TACR1: variants seen among roughly 807,000 people sequenced by gnomAD.
TACR1 encodes the protein substance-P receptor.
A neutral mutation model predicts 35.8 loss-of-function variants in TACR1; 25 were observed. The observed-to-expected ratio is 0.70, with a 90% CI of 0.51 to 0.98. The LOEUF is 0.98. Ranked by LOEUF, TACR1 falls within the 50% of genes least tolerant of loss-of-function variation. The pLI, the probability that TACR1 is intolerant of heterozygous loss-of-function variation, is 0.00. For missense variants in TACR1, 478 were observed against 522.9 expected (o/e 0.91, Z 0.84); for synonymous variants, 195 against 206.7 (o/e 0.94, Z 0.48).
intron 2 of TACR1, among the ~76,000 whole-genome samples, chr2:75,083,219 A>G (rs1031640828): frequency 2.0e-5 from 3 of 152,342 alleles, no homozygotes; most frequent in Admixed American, 2.0e-4. Context: ...CAGGTTTGTC[A>G]AAGATCAGAT....
At chr2:75,172,728 G>A (rs1312194430) in intron 1 of TACR1, among the ~76,000 whole-genome samples, 2 of 152,164 alleles carry the variant, frequency 1.3e-5, no homozygotes, top group Non-Finnish European at 2.9e-5. Flanking sequence ...ACAGCAGAAA[G>A]TACTTGCATT....
chr2:75,158,557 G>A (rs747636992), intron 1 of TACR1, among the ~76,000 whole-genome samples: 17 of 152,278 alleles, frequency 1.1e-4, no homozygotes, highest in Admixed American at 3.9e-4. Flanking sequence ...GTTAGCAGCA[G>A]GGTTAAAAGT....
Position 75,109,956 on chromosome 2 carries a change from G to T in TACR1, c.584+10618C>A, listed in dbSNP as rs1673718970. Among the ~76,000 whole-genome samples, 2 of 152,136 alleles carry T rather than the reference G, an allele frequency of 1.3e-5. 1 individual carries two copies. The highest frequency in any genetic ancestry group is 4.1e-4 in the South Asian group (2 of 4,828). ...GCCATTAAAAAATGTTGTTTTTAAA[G>T]GAGAATTTCCCTGAACTAGAGATCT... On this transcript the variant is annotated intron_variant, in intron 2 of 4. Transcript: ENST00000305249.
intron 1 of TACR1, among the ~76,000 whole-genome samples, chr2:75,173,933 A>G (rs1675349950): frequency 2.6e-5 from 4 of 152,228 alleles, no homozygotes; most frequent in Admixed American, 2.0e-4. Context: ...CCCAGAGGAC[A>G]GACAGCCTGA....
At chr2:75,127,728 G>A (rs553792841) in intron 1 of TACR1, among the ~76,000 whole-genome samples, 1 of 152,306 alleles carries the variant, frequency 6.6e-6, no homozygotes, top group Admixed American at 6.5e-5. Flanking sequence ...AGGAAACAAA[G>A]TACCTGATGT....
rs541951481 is a variant in TACR1 at position 75,054,080 on chromosome 2, A to G, written c.585-325T>C. The stretch of plus-strand genomic sequence containing the variant: ...TGTATACCCATAGCGATTTCAGTTG[A>G]TGATCAGTTCAATATCACTTGCCCC... On this transcript the variant is annotated intron_variant, in intron 2 of 4. Transcript: ENST00000305249. Among the ~76,000 whole-genome samples, 159 of 152,324 alleles carry G rather than the reference A, an allele frequency of 1.0e-3. 1 individual carries two copies. Among genetic ancestry groups the G allele is most frequent in the African/African-American group, 3.6e-3 (150 of 41,576 alleles).
chr2:75,123,646 A>G (rs1243976577), intron 1 of TACR1, among the ~76,000 whole-genome samples: 1 of 152,140 alleles, frequency 6.6e-6, no homozygotes, highest in East Asian at 1.9e-4. Context: ...AAATGTATAT[A>G]TGTTCATTTG....
chr2:75,055,951 G>T (rs2422094), intron 2 of TACR1, among the ~76,000 whole-genome samples: 1 of 152,106 alleles, frequency 6.6e-6, no homozygotes, highest in Admixed American at 6.5e-5. Context: ...GTTCTCAACC[G>T]CAAATGTAAA....
At chr2:75,183,303 A>T (rs1244016547) in intron 1 of TACR1, among the ~76,000 whole-genome samples, 2 of 152,214 alleles carry the variant, frequency 1.3e-5, no homozygotes, top group East Asian at 3.8e-4. Context: ...TGTATAGTTT[A>T]TGGGAAGGGA....
intron 1 of TACR1, among the ~76,000 whole-genome samples, chr2:75,142,895 T>C (rs1048801805): frequency 6.6e-6 from 1 of 152,214 alleles, no homozygotes; most frequent in Non-Finnish European, 1.5e-5. Flanking sequence ...AGCTCCCTCA[T>C]TGATTGAAAC....
At chr2:75,095,677 C>T (rs933696733) in intron 2 of TACR1, among the ~76,000 whole-genome samples, 2 of 152,088 alleles carry the variant, frequency 1.3e-5, no homozygotes, top group East Asian at 3.9e-4. Flanking sequence ...GGAGAATTAG[C>T]GCTCGCCTAA....
chr2:75,174,028 CTCA>C (rs1466717204), intron 1 of TACR1, among the ~76,000 whole-genome samples: 1 of 152,164 alleles, frequency 6.6e-6, no homozygotes, highest in East Asian at 1.9e-4. Flanking sequence ...TGCTTCACTC[CTCA>C]CACACTCTCC....
In TACR1 at chr2:75,185,324, G is replaced by A. The variant is rs148581455; in HGVS notation, c.389+13222C>T. Among the ~76,000 whole-genome samples, 618 of 152,074 alleles carry A rather than the reference G, an allele frequency of 4.1e-3. 2 individuals are homozygous for A. Among genetic ancestry groups the A allele is most frequent in the Admixed American group, 8.0e-3 (123 of 15,288 alleles). ...TTTGCCTACTTTTGAGTTGAGGAAG[G>A]TCTTTTTATGCATAATAACAAAGAG... On this transcript the variant is annotated intron_variant, in intron 1 of 4. Transcript: ENST00000305249.
At chr2:75,175,430 C>G (rs192121604) in intron 1 of TACR1, among the ~76,000 whole-genome samples, 1 of 152,304 alleles carries the variant, frequency 6.6e-6, no homozygotes, top group Admixed American at 6.5e-5. Context: ...AATTTCTTCA[C>G]ACAGTTCTGG....
intron 1 of TACR1, among the ~76,000 whole-genome samples, chr2:75,128,447 G>A (rs1674116072): frequency 6.6e-6 from 1 of 152,168 alleles, no homozygotes; most frequent in South Asian, 2.1e-4. Flanking sequence ...GAACGAAGGG[G>A]AAAAAACAGT....
intron 1 of TACR1, among the ~76,000 whole-genome samples, chr2:75,131,373 C>T (rs1674174677): frequency 6.6e-6 from 1 of 152,012 alleles, no homozygotes; most frequent in East Asian, 1.9e-4. Flanking sequence ...CAGGTGTGAG[C>T]CCCCGCACCC....
intron 1 of TACR1, among the ~76,000 whole-genome samples, chr2:75,155,255 T>C (rs1674816861): frequency 6.6e-6 from 1 of 152,178 alleles, no homozygotes; most frequent in South Asian, 2.1e-4. Flanking sequence ...CAAGGACAAT[T>C]CTAACTGTCT....
Position 75,051,419 on chromosome 2 carries a change from C to T in TACR1, c.764G>A (p.Cys255Tyr). 1 of 1,614,076 alleles carries T rather than the reference C, an allele frequency of 6.2e-7. No homozygotes were observed. Among genetic ancestry groups the T allele is most frequent in the South Asian group, 1.1e-5 (1 of 91,072 alleles). ...KVVKMMIVVV[C>Y]TFAICWLPFH... Reference sequence around the variant, plus strand: ...GGGCAGCCAGCAGATGGCGAAGGTGCACACCACGACAATCATCATTTTGAC... The same window carrying T: ...GGGCAGCCAGCAGATGGCGAAGGTGTACACCACGACAATCATCATTTTGAC... The change falls in exon 4 of 5, where the codon TGC becomes TAC. Residue 255 changes from cysteine to tyrosine, a missense_variant. By Grantham distance (194) the Cys-to-Tyr change is radical (BLOSUM62 -2). Coordinates refer to ENST00000305249, the MANE Select transcript of TACR1 (RefSeq NM_001058.4).
At chr2:75,170,795 T>C (rs1675259986) in intron 1 of TACR1, among the ~76,000 whole-genome samples, 1 of 152,128 alleles carries the variant, frequency 6.6e-6, no homozygotes, top group Admixed American at 6.5e-5. Context: ...AACTTTGAAC[T>C]TGAGAGAGAT....
Sources: gnomAD v4.1 joint callset for allele counts (sites outside exome capture counted in the v4.1 genomes callset) on GRCh38, gnomAD v4.1.1 for gene constraint, MANE v1.5 for transcripts, NCBI Gene and HGNC (gene_info 2026-07-23, HGNC 2026-07-21) for gene names.